ME3: variants seen among roughly 807,000 people sequenced by gnomAD.
ME3 encodes the protein NADP-dependent malic enzyme, mitochondrial.
Under a neutral mutation model 68.9 loss-of-function variants are expected in ME3, and 48 were observed. The observed-to-expected ratio is 0.70, with a 90% CI of 0.55 to 0.89. The LOEUF (loss-of-function observed/expected upper bound fraction) is 0.89. ME3 is among the 40% of genes least tolerant of loss of function. The probability of loss-of-function intolerance (pLI) is 0.00; values close to 1 mark genes in which losing one functional copy is unlikely to be tolerated. For missense variants in ME3, 675 were observed against 797.4 expected, an observed-to-expected ratio of 0.85 and a Z score of 1.85; for synonymous variants, 320 against 318.8, an observed-to-expected ratio of 1.00 and a Z score of -0.04.
At chr11:86,522,674 TC>T (rs1954413818) in intron 4 of ME3, among the ~76,000 whole-genome samples, 1 of 152,158 alleles carries the variant, frequency 6.6e-6, no homozygotes, top group African/African-American at 2.4e-5. Context: ...AATGATGGCT[TC>T]CAGCTTCATC....
At chr11:86,653,202 C>A (rs618843) in intron 2 of ME3, among the ~76,000 whole-genome samples, 38,495 of 151,924 alleles carry the variant, frequency 0.25, 5,052 homozygotes, top group African/African-American at 0.32. Context: ...AGAAAGTTAA[C>A]AAGGATACCC....
rs1470615752 is a variant in ME3, at chr11:86,671,908, G to A, written c.37C>T (p.Pro13Ser). 4 of 1,450,650 alleles carry A rather than the reference G, an allele frequency of 2.8e-6. No homozygotes were observed. In the South Asian group the frequency reaches 5.9e-5, roughly 21 times the overall value. The allele number at this position is 1,450,650 out of a possible 1,614,324, so 89.9% of individuals were successfully genotyped here. The stretch of plus-strand genomic sequence containing the variant: ...GCGCCGCAGGCCCGGCCCGGCCAGG[G>A]AGCCAGCCGCGTGCCTGTCCCCAGC... Residue 13 changes from proline (P) to serine (S), a missense_variant, in exon 2 of 15, where the codon CCC becomes TCC. Transcript: ENST00000543262.
At chr11:86,637,589 C>T (rs1339730720) in intron 2 of ME3, among the ~76,000 whole-genome samples, 2 of 152,152 alleles carry the variant, frequency 1.3e-5, no homozygotes, top group Admixed American at 6.5e-5. Context: ...GTAGCACGCA[C>T]AGCACAGACT....
chr11:86,643,347 C>T (rs1312507894), intron 2 of ME3, among the ~76,000 whole-genome samples: 8 of 152,130 alleles, frequency 5.3e-5, no homozygotes, highest in African/African-American at 1.9e-4. Context: ...CCCATCCTTC[C>T]ACACACTCTG....
At chr11:86,530,292 G>A (rs1274998835) in intron 4 of ME3, among the ~76,000 whole-genome samples, 6 of 152,112 alleles carry the variant, frequency 3.9e-5, no homozygotes, top group South Asian at 2.1e-4. Context: ...AACTTACAAG[G>A]GACATGAAGG....
At chr11:86,618,671 G>C (rs1283738743) in intron 2 of ME3, among the ~76,000 whole-genome samples, 2 of 151,540 alleles carry the variant, frequency 1.3e-5, no homozygotes, top group African/African-American at 4.9e-5. Flanking sequence ...ATCCCTCATG[G>C]TTTGGTGCTG....
intron 2 of ME3, among the ~76,000 whole-genome samples, chr11:86,647,734 C>G (rs912596345): frequency 2.0e-5 from 3 of 152,186 alleles, no homozygotes; most frequent in Admixed American, 6.5e-5. Context: ...GCACCCAGTA[C>G]AGGAGCACCC....
At chr11:86,644,294 C>T (rs1944861469) in intron 2 of ME3, among the ~76,000 whole-genome samples, 1 of 152,180 alleles carries the variant, frequency 6.6e-6, no homozygotes, top group South Asian at 2.1e-4. Flanking sequence ...GCTTCTTCCA[C>T]TCTTGCCCTC....
chr11:86,632,176 T>C (rs1350905382), intron 2 of ME3, among the ~76,000 whole-genome samples: 2 of 152,222 alleles, frequency 1.3e-5, no homozygotes, highest in Non-Finnish European at 2.9e-5. Flanking sequence ...TGGTGTGGAC[T>C]GGATACTTCC....
chr11:86,611,618 A>T (rs191532009), intron 2 of ME3, among the ~76,000 whole-genome samples: 1 of 137,010 alleles, frequency 7.3e-6, no homozygotes, highest in South Asian at 2.6e-4. Flanking sequence ...GGGGGGGGGG[A>T]AGAAAAATGA....
intron 4 of ME3, among the ~76,000 whole-genome samples, chr11:86,528,585 A>C (rs1186397085): frequency 1.3e-5 from 2 of 152,166 alleles, no homozygotes; most frequent in Non-Finnish European, 2.9e-5. Flanking sequence ...ACCTACTCCA[A>C]AATTGACCAC....
At chr11:86,519,552 G>C (rs1431284504) in intron 4 of ME3, among the ~76,000 whole-genome samples, 2 of 152,226 alleles carry the variant, frequency 1.3e-5, no homozygotes, top group Non-Finnish European at 2.9e-5. Flanking sequence ...AACAGAGTCA[G>C]TGACATTAGG....
intron 7 of ME3, 46 bp from the exon 8 acceptor site, chr11:86,465,246 A>AATCATG: frequency 1.4e-6 from 2 of 1,428,330 alleles, no homozygotes; most frequent in Non-Finnish European, 2.0e-6. Flanking sequence ...TCTCTGAGGC[A>AATCATG]GATCCCTGAC....
intron 4 of ME3, among the ~76,000 whole-genome samples, chr11:86,519,209 T>C (rs1954093298): frequency 1.3e-5 from 2 of 152,202 alleles, no homozygotes; most frequent in Admixed American, 1.3e-4. Context: ...TGTTGGAATT[T>C]CATCAAGGCA....
chr11:86,645,483 G>C (rs1944945176), intron 2 of ME3, among the ~76,000 whole-genome samples: 1 of 152,136 alleles, frequency 6.6e-6, no homozygotes, highest in Admixed American at 6.5e-5. Context: ...GCAGCTCGTT[G>C]TAGCCAGACT....
chr11:86,662,627 A>T (rs1946355163), intron 2 of ME3, among the ~76,000 whole-genome samples: 2 of 152,164 alleles, frequency 1.3e-5, no homozygotes, highest in African/African-American at 4.8e-5. Flanking sequence ...TAAAATTTAA[A>T]ACAGGAATAA....
chr11:86,471,207 G>A (rs112624905), intron 7 of ME3, among the ~76,000 whole-genome samples: 4,610 of 132,088 alleles, frequency 0.035, 167 homozygotes, highest in African/African-American at 0.097. Context: ...CTGGAGTGCA[G>A]TGGCAACCTC....
At position 86,629,884 on chromosome 11, in the gene ME3, A is replaced by G. The variant is rs922085120; in HGVS notation, c.183+41878T>C. 5.3e-5 allele frequency among the ~76,000 whole-genome samples: 8 copies of G among 152,322 alleles called. No homozygotes were observed. The East Asian group carries it at 1.5e-3, about 29-fold the overall frequency. On this transcript the variant is annotated intron_variant, in intron 2 of 14. Coordinates refer to ENST00000543262, the Ensembl canonical transcript of ME3. ...GTGATTGAAATTGGATGTAAATAAC[A>G]GTCTAAATGTGCACTGTTGAGGTTT...
At chr11:86,568,921 G>A (rs1010116697) in intron 2 of ME3, among the ~76,000 whole-genome samples, 1 of 152,186 alleles carries the variant, frequency 6.6e-6, no homozygotes, top group East Asian at 1.9e-4. Context: ...GTCTACTAGA[G>A]GAGACATGTG....
Sources: allele counts gnomAD v4.1 joint callset (sites outside exome capture counted in the v4.1 genomes callset), GRCh38; gene constraint gnomAD v4.1.1; transcripts MANE v1.5; gene names NCBI Gene and HGNC (gene_info 2026-07-23, HGNC 2026-07-21).